NOX4: variants seen among roughly 807,000 people sequenced by gnomAD.
NOX4 encodes the protein kidney oxidase-1.
A neutral mutation model predicts 87.6 loss-of-function variants in NOX4; 69 were observed. The ratio of observed to expected loss-of-function variants is 0.79; its 90% CI spans 0.65 to 0.96. NOX4 has a LOEUF of 0.96. Ranked by LOEUF, NOX4 falls within the 40% of genes least tolerant of loss-of-function variation. The pLI, the probability that NOX4 is intolerant of heterozygous loss-of-function variation, is 0.00. For missense variants in NOX4, 680 were observed against 681.5 expected, an observed-to-expected ratio of 1.00 and a Z score of 0.02; for synonymous variants, 275 against 238.2, an observed-to-expected ratio of 1.15 and a Z score of -1.42.
At chr11:89,495,093 C>T (rs1272754420), upstream of NOX4, among the ~76,000 whole-genome samples, 1 of 152,156 alleles carries the variant, frequency 6.6e-6, no homozygotes, top group Non-Finnish European at 1.5e-5. Flanking sequence ...CAGGTGCACA[C>T]CACCACGCCT....
intron 1 of NOX4, chr11:89,497,914 ATTCT>A (rs1379530766): frequency 5.9e-5 from 9 of 152,000 alleles, no homozygotes; most frequent in South Asian, 4.2e-4. Flanking sequence ...TACTTCTTTA[ATTCT>A]TTCTATTTCC....
intron 11 of NOX4, among the ~76,000 whole-genome samples, chr11:89,395,158 G>A (rs1212431428): frequency 1.3e-5 from 2 of 152,106 alleles, no homozygotes; most frequent in African/African-American, 4.8e-5. Flanking sequence ...ATCCTCTCCA[G>A]CATCTGTTGT....
At chr11:89,442,713 T>A (rs1944510243) in intron 5 of NOX4, among the ~76,000 whole-genome samples, 1 of 152,188 alleles carries the variant, frequency 6.6e-6, no homozygotes, top group Non-Finnish European at 1.5e-5. Flanking sequence ...AGTTTTAAAA[T>A]ATTTTATATT....
the NOX4 span, among the ~76,000 whole-genome samples, chr11:89,522,466 G>T: frequency 6.6e-6 from 1 of 152,262 alleles, no homozygotes; most frequent in South Asian, 2.1e-4. Context: ...AGGTACTCAT[G>T]AACATAAATG....
chr11:89,455,190 C>G (rs1392158454), intron 2 of NOX4, among the ~76,000 whole-genome samples: 2 of 152,100 alleles, frequency 1.3e-5, no homozygotes, highest in Admixed American at 1.3e-4. Context: ...ATAGTCCTAG[C>G]CAGCACCATT....
At chr11:89,549,492 T>C in the NOX4 span, among the ~76,000 whole-genome samples, 74 of 152,306 alleles carry the variant, frequency 4.9e-4, 2 homozygotes, top group South Asian at 0.015. Flanking sequence ...ATAAGTACAT[T>C]TTAATTTTTT....
At chr11:89,558,310 C>A in the NOX4 span, among the ~76,000 whole-genome samples, 2 of 152,054 alleles carry the variant, frequency 1.3e-5, no homozygotes, top group South Asian at 2.1e-4. Context: ...CATAAAGAAA[C>A]CAACTGCAGA....
At chr11:89,402,084 G>A (rs568511491) in intron 9 of NOX4, among the ~76,000 whole-genome samples, 9 of 152,124 alleles carry the variant, frequency 5.9e-5, no homozygotes, top group African/African-American at 2.2e-4. Context: ...CACCAATGCT[G>A]TTGTATGCAA....
the NOX4 span, among the ~76,000 whole-genome samples, chr11:89,536,003 C>T: frequency 6.6e-6 from 1 of 152,048 alleles, no homozygotes; most frequent in Non-Finnish European, 1.5e-5. Flanking sequence ...CTTTACTAAC[C>T]GCTGCCTTCA....
At chr11:89,462,666 C>T (rs1301763987) in intron 2 of NOX4, among the ~76,000 whole-genome samples, 1 of 151,962 alleles carries the variant, frequency 6.6e-6, no homozygotes, top group Non-Finnish European at 1.5e-5. Flanking sequence ...ACGTAACATC[C>T]TTGTTTCAAA....
chr11:89,432,694 A>G (rs1288654946), intron 7 of NOX4, 90 bp downstream of exon 7: 3 of 865,142 alleles, frequency 3.5e-6, no homozygotes, highest in Non-Finnish European at 5.8e-6. Flanking sequence ...ATTAACCAGG[A>G]CACTACAATG....
At chr11:89,583,989 T>C in the NOX4 span, among the ~76,000 whole-genome samples, 1 of 152,172 alleles carries the variant, frequency 6.6e-6, no homozygotes, top group Admixed American at 6.6e-5. Flanking sequence ...TTAAAATCAA[T>C]GATGCCTTTG....
At chr11:89,375,943 C>CTT (rs1693444431) in intron 11 of NOX4, among the ~76,000 whole-genome samples, 1 of 152,174 alleles carries the variant, frequency 6.6e-6, no homozygotes, top group African/African-American at 2.4e-5. Context: ...TTGAGTTAAT[C>CTT]TCATAATGCA....
chr11:89,550,419 C>A, the NOX4 span, among the ~76,000 whole-genome samples: 1 of 152,118 alleles, frequency 6.6e-6, no homozygotes, highest in Non-Finnish European at 1.5e-5. Context: ...CTCCTGACCT[C>A]AGGTGATCTG....
the NOX4 span, among the ~76,000 whole-genome samples, chr11:89,519,639 T>C: frequency 2.0e-5 from 3 of 151,986 alleles, no homozygotes; most frequent in Non-Finnish European, 2.9e-5. Context: ...AAAGAAGAGA[T>C]CAATGAAGCC....
At chr11:89,350,941 G>C (rs1946430193) in intron 13 of NOX4, among the ~76,000 whole-genome samples, 1 of 152,180 alleles carries the variant, frequency 6.6e-6, no homozygotes, top group Non-Finnish European at 1.5e-5. Context: ...TGAAAGGAGA[G>C]TTGCATGTCT....
At position 89,490,566 on chromosome 11, in the gene NOX4, G is replaced by T. The variant is rs925944552; in HGVS notation, c.58-13C>A. 3.1e-6 allele frequency: 5 copies of T among 1,598,166 alleles called. No homozygotes were observed. The highest frequency in any genetic ancestry group is 1.7e-5 in the Admixed American group (1 of 59,988). On this transcript the variant is annotated splice_polypyrimidine_tract_variant and intron_variant, in intron 1 of 17. Transcript: ENST00000263317. ...AGAGCCAGATGAACTAAACCAATCA[G>T]ACATGAGAGACAGAAAACAAAAATT...
At chr11:89,574,565 A>G in the NOX4 span, among the ~76,000 whole-genome samples, 1 of 152,198 alleles carries the variant, frequency 6.6e-6, no homozygotes, top group African/African-American at 2.4e-5. Context: ...CTGGTTCAAA[A>G]TATTCAGTTT....
intron 11 of NOX4, among the ~76,000 whole-genome samples, chr11:89,383,273 G>T (rs1024376276): frequency 2.6e-5 from 4 of 152,196 alleles, no homozygotes; most frequent in Admixed American, 2.6e-4. Context: ...CAGAAATCTG[G>T]CCACTGGGCC....
Sources: allele counts gnomAD v4.1 joint callset (sites outside exome capture counted in the v4.1 genomes callset), GRCh38; gene constraint gnomAD v4.1.1; transcripts MANE v1.5; gene names NCBI Gene and HGNC (gene_info 2026-07-23, HGNC 2026-07-21).